IMMP2L: variants seen among roughly 807,000 people sequenced by gnomAD.
The protein encoded by IMMP2L is inner mitochondrial membrane peptidase subunit 2, also known as mitochondrial inner membrane protease subunit 2.
In IMMP2L, 18 loss-of-function variants were observed where a neutral mutation model predicts 19.3. The ratio of observed to expected loss-of-function variants is 0.93; its 90% CI spans 0.64 to 1.38. The LOEUF is 1.38. IMMP2L is among the 40% of genes most tolerant of loss of function. IMMP2L has a pLI of 0.00. For synonymous variants in IMMP2L, 76 were observed against 73.0 expected (o/e 1.04, Z -0.21); for missense variants, 233 against 218.2 (o/e 1.07, Z -0.43).
At chr7:111,498,359 A>C (rs540738272) in intron 2 of IMMP2L, among the ~76,000 whole-genome samples, 1 of 152,184 alleles carries the variant, frequency 6.6e-6, no homozygotes, top group Admixed American at 6.6e-5. Context: ...ACATATCTGC[A>C]TATTAACCTG....
chr7:111,361,892 G>T (rs1829294317), intron 3 of IMMP2L, among the ~76,000 whole-genome samples: 1 of 151,948 alleles, frequency 6.6e-6, no homozygotes, highest in African/African-American at 2.4e-5. Context: ...TTCTAAAAAG[G>T]AAGCTCTAAA....
chr7:110,870,202 T>C lies in IMMP2L; in HGVS notation c.408+16391A>G, dbSNP rs189691415. Among the ~76,000 whole-genome samples, 4 of 152,264 alleles carry C rather than the reference T, an allele frequency of 2.6e-5. No individual in the cohort carries two copies. In the East Asian group the frequency reaches 7.8e-4, roughly 30 times the overall value. On this transcript the variant is annotated intron_variant, in intron 5 of 5. Transcript: ENST00000405709. The surrounding 1 kb of genome is among the most constrained non-coding windows in gnomAD (Gnocchi z 4.2). ...TCCTCTTTCTGAAAAGTGCATCATGTCAGGAGCCTTCTTCCAATCTCCACT... is the reference window on the plus strand; with the variant it reads ...TCCTCTTTCTGAAAAGTGCATCATGCCAGGAGCCTTCTTCCAATCTCCACT...
At chr7:110,794,577 T>C (rs1226184690) in intron 5 of IMMP2L, among the ~76,000 whole-genome samples, 2 of 152,126 alleles carry the variant, frequency 1.3e-5, no homozygotes, top group African/African-American at 2.4e-5. Context: ...ACATTTAGGA[T>C]ATTAAGCTTG....
intron 3 of IMMP2L, among the ~76,000 whole-genome samples, chr7:110,989,417 T>C (rs1822212562): frequency 6.7e-6 from 1 of 149,374 alleles, no homozygotes. Flanking sequence ...TGCAGTGGCA[T>C]ACACTGGTGG....
At chr7:111,060,809 T>C (rs1282419270) in intron 3 of IMMP2L, among the ~76,000 whole-genome samples, 2 of 152,220 alleles carry the variant, frequency 1.3e-5, no homozygotes, top group Non-Finnish European at 2.9e-5. Context: ...GGATACTGTG[T>C]ATATTTTCAA....
At chr7:111,169,631 C>A (rs372321824) in intron 3 of IMMP2L, among the ~76,000 whole-genome samples, 1 of 151,846 alleles carries the variant, frequency 6.6e-6, no homozygotes, top group East Asian at 1.9e-4. Context: ...CCCTGTGACT[C>A]TCTCTCTGTG....
chr7:111,231,052 G>GTGTC (rs998340784), intron 3 of IMMP2L, among the ~76,000 whole-genome samples: 2 of 150,038 alleles, frequency 1.3e-5, no homozygotes, highest in Non-Finnish European at 3.0e-5. Flanking sequence ...GTGTGTGTGT[G>GTGTC]TGTACATATA....
chr7:110,948,903 T>A (rs1484623524), intron 4 of IMMP2L, among the ~76,000 whole-genome samples: 2 of 152,136 alleles, frequency 1.3e-5, no homozygotes, highest in East Asian at 1.9e-4. Context: ...CAATTTCCTC[T>A]CTCTCCTAGA....
chr7:111,144,792 T>A (rs574360345), intron 3 of IMMP2L, among the ~76,000 whole-genome samples: 1 of 152,256 alleles, frequency 6.6e-6, no homozygotes, highest in South Asian at 2.1e-4. Context: ...CAGTACTGAG[T>A]AAACAATGTC....
At chr7:110,930,585 G>C (rs1443981107) in intron 4 of IMMP2L, among the ~76,000 whole-genome samples, 1 of 152,026 alleles carries the variant, frequency 6.6e-6, no homozygotes. Context: ...ACTTGCCCTG[G>C]GTCACAGAAA....
chr7:110,797,379 C>G (rs10260741), intron 5 of IMMP2L, among the ~76,000 whole-genome samples: 73,979 of 151,660 alleles, frequency 0.49, 18,300 homozygotes, highest in African/African-American at 0.56. Context: ...AAGTGTCTAC[C>G]TTTATTCAAG....
At chr7:111,493,012 C>G (rs187932264) in intron 2 of IMMP2L, among the ~76,000 whole-genome samples, 65 of 152,214 alleles carry the variant, frequency 4.3e-4, no homozygotes, top group Non-Finnish European at 7.5e-4. Context: ...AATCCCAGAA[C>G]AGTGATTGGA....
intron 5 of IMMP2L, among the ~76,000 whole-genome samples, chr7:110,782,587 C>A (rs1245829489): frequency 6.6e-6 from 1 of 151,682 alleles, no homozygotes; most frequent in Non-Finnish European, 1.5e-5. Context: ...CTCTTCAGGG[C>A]ATGTTTATTT....
chr7:110,682,363 T>C (rs1792783235), intron 5 of IMMP2L, among the ~76,000 whole-genome samples: 1 of 152,152 alleles, frequency 6.6e-6, no homozygotes, highest in African/African-American at 2.4e-5. Context: ...TGGGCAGTGA[T>C]GGTCTATTTA....
intron 3 of IMMP2L, among the ~76,000 whole-genome samples, chr7:111,151,618 C>T (rs2129603006): frequency 6.6e-6 from 1 of 152,218 alleles, no homozygotes; most frequent in Non-Finnish European, 1.5e-5. Context: ...AAAAAATAAA[C>T]ATAACATTTA....
intron 3 of IMMP2L, among the ~76,000 whole-genome samples, chr7:111,101,886 A>C (rs951997024): frequency 6.6e-6 from 1 of 151,534 alleles, no homozygotes; most frequent in African/African-American, 2.4e-5. Context: ...CAGTCAGGTG[A>C]TATCTGTAGA....
intron 5 of IMMP2L, among the ~76,000 whole-genome samples, chr7:110,830,813 C>T (rs181827890): frequency 6.6e-6 from 1 of 152,266 alleles, no homozygotes; most frequent in Non-Finnish European, 1.5e-5. Context: ...TAAACCTGGA[C>T]ACTCAGATAC....
intron 3 of IMMP2L, among the ~76,000 whole-genome samples, chr7:111,021,611 G>T (rs1008410066): frequency 1.3e-5 from 2 of 152,196 alleles, no homozygotes; most frequent in African/African-American, 4.8e-5. Flanking sequence ...ATCTGGGCAC[G>T]GTGGCTGACG....
At chr7:111,212,899 T>C (rs937190614) in intron 3 of IMMP2L, among the ~76,000 whole-genome samples, 2 of 152,180 alleles carry the variant, frequency 1.3e-5, no homozygotes, top group South Asian at 2.1e-4. Flanking sequence ...TCTCATTCCA[T>C]GTGCTCTGGT....
Sources: allele counts gnomAD v4.1 joint callset (sites outside exome capture counted in the v4.1 genomes callset), GRCh38; gene constraint gnomAD v4.1.1; non-coding constraint Gnocchi (gnomAD v3.1); transcripts MANE v1.5; gene names NCBI Gene and HGNC (gene_info 2026-07-23, HGNC 2026-07-21).